The following MACROD2 variants were observed in gnomAD, a reference collection of about 807,000 sequenced individuals.
MACROD2 encodes mono-ADP ribosylhydrolase 2.
Under a neutral mutation model 70.4 loss-of-function variants are expected in MACROD2, and 36 were observed. That is an observed-to-expected ratio of 0.51 (90% CI 0.39 to 0.68). The LOEUF (loss-of-function observed/expected upper bound fraction) is 0.68. MACROD2 is among the 30% of genes least tolerant of loss of function. The pLI, the probability that MACROD2 is intolerant of heterozygous loss-of-function variation, is 0.00. For missense variants in MACROD2, 496 were observed against 538.4 expected (o/e 0.92, Z 0.78); for synonymous variants, 172 against 178.8 (o/e 0.96, Z 0.30).
chr20:15,117,514 G>C (rs1330936479), intron 5 of MACROD2, among the ~76,000 whole-genome samples: 1 of 138,446 alleles, frequency 7.2e-6, no homozygotes, highest in South Asian at 2.3e-4. Flanking sequence ...GAAATATCGC[G>C]ATTTCAAATG....
chr20:15,237,513 A>AT (rs137918378), intron 6 of MACROD2, among the ~76,000 whole-genome samples: 42,749 of 151,872 alleles, frequency 0.28, 6,232 homozygotes, highest in African/African-American at 0.34. Context: ...CACTCTATTG[A>AT]TTTTTTTTAA....
chr20:15,815,582 T>C (rs1041857082), intron 8 of MACROD2, among the ~76,000 whole-genome samples: 20 of 152,190 alleles, frequency 1.3e-4, no homozygotes, highest in African/African-American at 4.3e-4. Flanking sequence ...TCTACTTGAG[T>C]GACATCTTCC....
intron 3 of MACROD2, among the ~76,000 whole-genome samples, chr20:14,138,338 C>T (rs2054826219): frequency 6.6e-6 from 1 of 151,916 alleles, no homozygotes; most frequent in Non-Finnish European, 1.5e-5. Context: ...TTAACAATAG[C>T]CAAGATATGG....
At chr20:15,095,058 C>CTTTTTTTT (rs1568570303) in intron 5 of MACROD2, among the ~76,000 whole-genome samples, 1 of 58,048 alleles carries the variant, frequency 1.7e-5, no homozygotes, top group African/African-American at 9.1e-5. Flanking sequence ...ACTGTGGTCT[C>CTTTTTTTT]CTCTTCTTTT....
chr20:14,650,585 T>C (rs138553781), intron 4 of MACROD2, among the ~76,000 whole-genome samples: 1 of 152,210 alleles, frequency 6.6e-6, no homozygotes, highest in African/African-American at 2.4e-5. Context: ...TGGAACTGAC[T>C]TTTTCAGCCT....
At chr20:15,247,005 A>G (rs2077111809) in intron 6 of MACROD2, among the ~76,000 whole-genome samples, 1 of 152,198 alleles carries the variant, frequency 6.6e-6, no homozygotes, top group Non-Finnish European at 1.5e-5. Flanking sequence ...TACAGAGAGT[A>G]GATTAACGGT....
At chr20:16,006,303 C>T (rs1052553622) in intron 15 of MACROD2, among the ~76,000 whole-genome samples, 20 of 152,120 alleles carry the variant, frequency 1.3e-4, no homozygotes, top group African/African-American at 4.6e-4. Flanking sequence ...TTTTGGGGAG[C>T]CTTAAGTTAC....
In MACROD2 at chr20:15,354,252, A is replaced by C. The variant is rs1452126145; in HGVS notation, c.541-77153A>C. On this transcript the variant is annotated intron_variant, in intron 6 of 17. Coordinates refer to ENST00000684519, the MANE Select transcript of MACROD2 (RefSeq NM_001351661.2). Reference sequence around the variant, plus strand: ...ATTCTCAGCAAACTATCGCAAGGACAAAAAACCAAACACCACACGTTCTCA... The same window carrying C: ...ATTCTCAGCAAACTATCGCAAGGACCAAAAACCAAACACCACACGTTCTCA... Among the ~76,000 whole-genome samples the C allele has an allele frequency of 3.3e-5, 5 of 152,244 alleles. No homozygotes were observed. In the South Asian group the frequency reaches 1.0e-3, roughly 32 times the overall value.
At chr20:14,635,990 A>G (rs1408928729) in intron 4 of MACROD2, among the ~76,000 whole-genome samples, 5 of 152,166 alleles carry the variant, frequency 3.3e-5, no homozygotes, top group Non-Finnish European at 5.9e-5. Context: ...TTCAATGGGA[A>G]AAGTGGAATT....
chr20:14,978,626 C>T (rs1371674714), intron 5 of MACROD2, among the ~76,000 whole-genome samples: 2 of 142,732 alleles, frequency 1.4e-5, no homozygotes, highest in Non-Finnish European at 3.0e-5. Context: ...TTCCCAACCC[C>T]CCCACCCCAC....
At chr20:14,212,774 G>A (rs1333801804) in intron 3 of MACROD2, among the ~76,000 whole-genome samples, 2 of 151,218 alleles carry the variant, frequency 1.3e-5, no homozygotes, top group Admixed American at 6.6e-5. Context: ...TATCTAGTAT[G>A]GAGCTCAGCT....
intron 8 of MACROD2, among the ~76,000 whole-genome samples, chr20:15,579,365 G>A (rs988066955): frequency 6.6e-6 from 1 of 151,978 alleles, no homozygotes; most frequent in South Asian, 2.1e-4. Flanking sequence ...CTTTTTTTGG[G>A]TAGTGACATT....
intron 8 of MACROD2, among the ~76,000 whole-genome samples, chr20:15,785,541 G>A (rs887503061): frequency 6.6e-6 from 1 of 152,192 alleles, no homozygotes; most frequent in Admixed American, 6.5e-5. Flanking sequence ...AAGAGGGTAA[G>A]TTTAGGGAGG....
intron 6 of MACROD2, among the ~76,000 whole-genome samples, chr20:15,390,832 T>C (rs1224346075): frequency 1.3e-5 from 2 of 152,212 alleles, no homozygotes; most frequent in African/African-American, 2.4e-5. Flanking sequence ...GTCACATAAA[T>C]TCAGTTTTTT....
intron 3 of MACROD2, among the ~76,000 whole-genome samples, chr20:14,130,725 G>A (rs774331351): frequency 8.6e-5 from 13 of 151,910 alleles, no homozygotes; most frequent in South Asian, 2.1e-4. Context: ...CTTCACAGTC[G>A]GGATTTTTTG....
At chr20:14,952,700 TA>T (rs1264339618) in intron 5 of MACROD2, among the ~76,000 whole-genome samples, 1 of 152,104 alleles carries the variant, frequency 6.6e-6, no homozygotes, top group Non-Finnish European at 1.5e-5. Context: ...AGTGGAAATA[TA>T]TTTTTTTCAT....
intron 5 of MACROD2, among the ~76,000 whole-genome samples, chr20:14,772,573 C>G (rs1044746032): frequency 2.0e-4 from 31 of 152,148 alleles, no homozygotes; most frequent in African/African-American, 7.5e-4. Context: ...ATGGGAAAGA[C>G]CTGCCCCCGT....
At chr20:14,686,081 T>G (rs1050957470) in intron 5 of MACROD2, among the ~76,000 whole-genome samples, 17 of 151,982 alleles carry the variant, frequency 1.1e-4, no homozygotes, top group African/African-American at 3.9e-4. Context: ...TCATAATGGT[T>G]TCAGTGAAAG....
chr20:16,016,945 T>C (rs73898330), intron 15 of MACROD2, among the ~76,000 whole-genome samples: 2,114 of 152,310 alleles, frequency 0.014, 40 homozygotes, highest in African/African-American at 0.046. Flanking sequence ...TTGCCAGATA[T>C]GTTCACTTCT....
Sources: allele counts gnomAD v4.1 joint callset (sites outside exome capture counted in the v4.1 genomes callset), GRCh38; gene constraint gnomAD v4.1.1; transcripts MANE v1.5; gene names NCBI Gene and HGNC (gene_info 2026-07-23, HGNC 2026-07-21).